The following SLC10A7 variants were observed in gnomAD, a reference collection of about 807,000 sequenced individuals.
SLC10A7 encodes the protein solute carrier family 10 member 7, also known as sodium/bile acid cotransporter 7.
A neutral mutation model predicts 43.2 loss-of-function variants in SLC10A7; 29 were observed. The ratio of observed to expected loss-of-function variants is 0.67; its 90% confidence interval spans 0.50 to 0.92. The LOEUF is 0.92. Ranked by LOEUF, SLC10A7 falls within the 40% of genes least tolerant of loss-of-function variation. The pLI is 0.00. For synonymous variants in SLC10A7, 152 were observed against 144.8 expected, an observed-to-expected ratio of 1.05 and a Z score of -0.35; for missense variants, 295 against 403.2, an observed-to-expected ratio of 0.73 and a Z score of 2.30.
At chr4:146,463,356 T>G (rs1732707252) in intron 4 of SLC10A7, among the ~76,000 whole-genome samples, 1 of 152,128 alleles carries the variant, frequency 6.6e-6, no homozygotes, top group Non-Finnish European at 1.5e-5. Context: ...AAAAGTTAAC[T>G]TCACACGCTT....
chr4:146,412,049 C>T (rs1442356323), intron 5 of SLC10A7, among the ~76,000 whole-genome samples: 1 of 152,092 alleles, frequency 6.6e-6, no homozygotes, highest in Admixed American at 6.6e-5. Flanking sequence ...TTTGTATAGT[C>T]TTTAGTCAAT....
At chr4:146,421,498 C>T (rs1728962023) in intron 5 of SLC10A7, among the ~76,000 whole-genome samples, 1 of 152,056 alleles carries the variant, frequency 6.6e-6, no homozygotes, top group Non-Finnish European at 1.5e-5. Context: ...TGATATACTC[C>T]TTGAAAACTC....
intron 4 of SLC10A7, among the ~76,000 whole-genome samples, chr4:146,457,386 C>A (rs1433978423): frequency 1.3e-5 from 2 of 151,820 alleles, no homozygotes; most frequent in Middle Eastern, 3.2e-3. Context: ...TTACAAACAA[C>A]CCAATTATAC....
At chr4:146,467,716 A>C (rs1424298701) in intron 4 of SLC10A7, among the ~76,000 whole-genome samples, 1 of 151,580 alleles carries the variant, frequency 6.6e-6, no homozygotes, top group Non-Finnish European at 1.5e-5. Context: ...GCATGTACCA[A>C]CATGCCCAAC....
intron 5 of SLC10A7, among the ~76,000 whole-genome samples, chr4:146,350,501 C>T (rs1279314484): frequency 7.0e-6 from 1 of 142,436 alleles, no homozygotes; most frequent in East Asian, 2.0e-4. Flanking sequence ...ACAAAGCAGC[C>T]GGGAAGCTCG....
intron 7 of SLC10A7, among the ~76,000 whole-genome samples, chr4:146,296,952 C>T (rs779181822): frequency 6.6e-6 from 1 of 152,144 alleles, no homozygotes; most frequent in African/African-American, 2.4e-5. Flanking sequence ...ATTCTCCAAA[C>T]TTCTTTGCCT....
chr4:146,472,778 CTGTT>C (rs1250399031), intron 4 of SLC10A7, among the ~76,000 whole-genome samples: 1 of 152,186 alleles, frequency 6.6e-6, no homozygotes, highest in African/African-American at 2.4e-5. Context: ...TTTTCTATGT[CTGTT>C]TAATGTACCC....
chr4:146,496,395 C>T (rs1735902971), intron 4 of SLC10A7, among the ~76,000 whole-genome samples: 1 of 152,100 alleles, frequency 6.6e-6, no homozygotes, highest in Non-Finnish European at 1.5e-5. Flanking sequence ...CTTCTCCTAC[C>T]CTCCTGTCTC....
chr4:146,441,605 G>T, intron 5 of SLC10A7: 1 of 769,632 alleles, frequency 1.3e-6, no homozygotes, highest in South Asian at 5.9e-5. Context: ...ATAATACTTG[G>T]ACTCATGAAA....
intron 5 of SLC10A7, among the ~76,000 whole-genome samples, chr4:146,410,139 A>G (rs531332371): frequency 6.6e-6 from 1 of 152,302 alleles, no homozygotes; most frequent in African/African-American, 2.4e-5. Flanking sequence ...TCTCCACTAT[A>G]TAGATGAGAA....
chr4:146,521,728 G>T lies in SLC10A7; in HGVS notation c.-11C>A, dbSNP rs1361021947. The stretch of plus-strand genomic sequence containing the variant: ...CTCCAGCAGCCTCATATTTGTTAGG[G>T]TGGGTGGGTTTTGTTTATTTGTTTG... On this transcript the variant is annotated 5_prime_UTR_variant, in exon 1 of 12. Transcript: ENST00000335472. 10 of 1,608,822 alleles carry T rather than the reference G, an allele frequency of 6.2e-6. No individual in the cohort carries two copies. The East Asian group carries it at 1.1e-4, about 18-fold the overall frequency.
At chr4:146,483,309 A>G (rs1425596146) in intron 4 of SLC10A7, among the ~76,000 whole-genome samples, 3 of 152,206 alleles carry the variant, frequency 2.0e-5, no homozygotes, top group African/African-American at 7.2e-5. Flanking sequence ...CAACATTAGA[A>G]GATGTAAATT....
chr4:146,261,425 C>CA (rs1728214428), intron 10 of SLC10A7, among the ~76,000 whole-genome samples: 1 of 149,328 alleles, frequency 6.7e-6, no homozygotes, highest in Non-Finnish European at 1.5e-5. Flanking sequence ...CCTTTGCCCC[C>CA]CCAGCTCCAG....
intron 5 of SLC10A7, among the ~76,000 whole-genome samples, chr4:146,335,682 A>G (rs79460013): frequency 0.063 from 9,620 of 152,112 alleles, 398 homozygotes; most frequent in South Asian, 0.18. Context: ...ACCACCACTG[A>G]GCTAATATTT....
chr4:146,256,292 T>C lies in SLC10A7; in HGVS notation c.*199A>G. The stretch of plus-strand genomic sequence containing the variant: ...TAACCCCCAAATATTGTACCACCCC[T>C]GGCAGTAATCAACAAAGCATATTTT... On this transcript the variant is annotated 3_prime_UTR_variant, in exon 12 of 12. Coordinates refer to ENST00000335472, the MANE Select transcript of SLC10A7 (RefSeq NM_001029998.6). The C allele has an allele frequency of 1.7e-6, 1 of 594,994 alleles. No homozygotes were observed. Among genetic ancestry groups the C allele is most frequent in the Non-Finnish European group, 3.0e-6 (1 of 336,282 alleles). The allele number at this position is 594,994 out of a possible 1,614,324, so 36.9% of individuals were successfully genotyped here.
intron 1 of SLC10A7, among the ~76,000 whole-genome samples, chr4:146,519,106 T>TATATAC (rs1738337549): frequency 4.4e-5 from 1 of 22,596 alleles, no homozygotes; most frequent in Admixed American, 5.0e-4. Flanking sequence ...TATATATATA[T>TATATAC]ATATATAATA....
chr4:146,410,107 AAAGGT>A (rs1350392223), intron 5 of SLC10A7, among the ~76,000 whole-genome samples: 1 of 152,182 alleles, frequency 6.6e-6, no homozygotes, highest in African/African-American at 2.4e-5. Context: ...ACAAGGTTAG[AAAGGT>A]AAGGTAGTAT....
chr4:146,292,096 T>G (rs192373789), intron 9 of SLC10A7, among the ~76,000 whole-genome samples: 1 of 152,258 alleles, frequency 6.6e-6, no homozygotes, highest in East Asian at 1.9e-4. Context: ...GCAGCAAAGA[T>G]TTTACATCAA....
intron 10 of SLC10A7, among the ~76,000 whole-genome samples, chr4:146,269,656 T>C (rs184314884): frequency 5.3e-4 from 81 of 152,290 alleles, no homozygotes; most frequent in African/African-American, 1.7e-3. Context: ...GGAACTGTTG[T>C]CCAATTTTAC....
Sources: gnomAD v4.1 joint callset for allele counts (sites outside exome capture counted in the v4.1 genomes callset) on GRCh38, gnomAD v4.1.1 for gene constraint, MANE v1.5 for transcripts, NCBI Gene and HGNC (gene_info 2026-07-23, HGNC 2026-07-21) for gene names.